GHITM: variants seen among roughly 807,000 people sequenced by gnomAD.
GHITM encodes growth hormone-inducible transmembrane protein.
Under a neutral mutation model 38.7 loss-of-function variants are expected in GHITM, and 24 were observed. That is an observed-to-expected ratio of 0.62 (90% CI 0.45 to 0.87). The LOEUF (loss-of-function observed/expected upper bound fraction) is 0.87. GHITM is among the 40% of genes least tolerant of loss of function. The probability of loss-of-function intolerance (pLI) is 0.00; values close to 1 mark genes in which losing one functional copy is unlikely to be tolerated. For missense variants in GHITM, 420 were observed against 429.8 expected (o/e 0.98, Z 0.20); for synonymous variants, 154 against 147.8 (o/e 1.04, Z -0.30).
chr10:84,145,837 T>A (rs1274750809), intron 5 of GHITM, among the ~76,000 whole-genome samples: 1 of 152,126 alleles, frequency 6.6e-6, no homozygotes, highest in Non-Finnish European at 1.5e-5. Flanking sequence ...GTTAGGCAAG[T>A]TCCGTGAAGG....
intron 7 of GHITM, 40 bp from the exon 8 acceptor site, chr10:84,150,669 C>G (rs1841602534): frequency 6.5e-7 from 1 of 1,529,476 alleles, no homozygotes; most frequent in Admixed American, 1.9e-5. Flanking sequence ...ATCGGAAATC[C>G]TTTTTTAAAA....
chr10:84,151,251 T>C lies in GHITM; in HGVS notation c.953+371T>C, dbSNP rs138669427. Among the ~76,000 whole-genome samples the C allele has an allele frequency of 2.0e-4, 30 of 152,240 alleles. No homozygotes were observed. In the East Asian group the frequency reaches 5.6e-3, roughly 28 times the overall value. ...GGGATTAGGATTTCATTATATTTTG[T>C]TGGGGGGCAGAGGAGGGTCACAGCT... On this transcript the variant is annotated intron_variant, in intron 8 of 8. Transcript: ENST00000372134.
intron 6 of GHITM, 50 bp from the exon 7 acceptor site, chr10:84,150,005 T>G: frequency 7.5e-7 from 1 of 1,341,264 alleles, no homozygotes; most frequent in Non-Finnish European, 1.0e-6. Flanking sequence ...GATATTTTCC[T>G]TTTGCTTGTT....
At chr10:84,147,490 G>T (rs1290012036) in intron 5 of GHITM, among the ~76,000 whole-genome samples, 2 of 152,150 alleles carry the variant, frequency 1.3e-5, no homozygotes, top group Admixed American at 6.5e-5. Context: ...ATATTTTGAT[G>T]TTCATAGGTG....
rs750638778 is a variant in GHITM, at chr10:84,142,769, T to C, written c.229+15T>C. The C allele has an allele frequency of 7.2e-7, 1 of 1,397,110 alleles. No individual in the cohort carries two copies. Among genetic ancestry groups the C allele is most frequent in the Non-Finnish European group, 1.0e-6 (1 of 984,566 alleles). 86.5% of individuals were successfully genotyped at this position (1,397,110 alleles called of 1,614,324 possible). On this transcript the variant is annotated intron_variant, in intron 3 of 8. Transcript: ENST00000372134. ...AATATTTAAAAGTAGGTGGCTATCT[T>C]TAGTTTTTAACCTAGAATCTATGGA...
intron 5 of GHITM, among the ~76,000 whole-genome samples, chr10:84,147,626 GT>G (rs909842810): frequency 5.0e-4 from 30 of 60,060 alleles, no homozygotes; most frequent in South Asian, 2.1e-3. Flanking sequence ...CTTTTTTTTT[GT>G]TTGTTTTTTT....
intron 5 of GHITM, among the ~76,000 whole-genome samples, chr10:84,146,071 ATTTT>A (rs1841554191): frequency 6.6e-6 from 1 of 152,114 alleles, no homozygotes. Context: ...TTAAAAAAAA[ATTTT>A]TTTAAGTAGA....
intron 5 of GHITM, among the ~76,000 whole-genome samples, chr10:84,146,867 A>G (rs1242796003): frequency 6.6e-6 from 1 of 152,222 alleles, no homozygotes; most frequent in African/African-American, 2.4e-5. Flanking sequence ...TGTGACAGAC[A>G]TATATATACA....
chr10:84,150,741 G>A lies in GHITM; in HGVS notation c.814G>A (p.Gly272Ser). ...GTTTCTTCCACCTACCACCGTGGCT[G>A]GTGCCACTCTTTACTCAGTGGCAAT... ...SMFLPPTTVAGATLYSVAMYG... is the reference protein window; with the variant it reads ...SMFLPPTTVASATLYSVAMYG... Residue 272 changes from glycine (G) to serine (S), a missense_variant, in exon 8 of 9, where the codon GGT (glycine) becomes AGT (serine). Physicochemically the swap from Gly to Ser is moderately conservative, Grantham distance 56 (BLOSUM62 0). Coordinates refer to ENST00000372134, the MANE Select transcript of GHITM (RefSeq NM_014394.3). 3 of 1,610,234 alleles carry A rather than the reference G, an allele frequency of 1.9e-6. No individual in the cohort carries two copies. The highest frequency in any genetic ancestry group is 2.5e-6 in the Non-Finnish European group (3 of 1,177,284).
chr10:84,141,660 T>G, intron 2 of GHITM, 31 bp downstream of exon 2: 1 of 1,609,312 alleles, frequency 6.2e-7, no homozygotes, highest in South Asian at 1.1e-5. Flanking sequence ...TTTATATTGC[T>G]TCTTTTTCCA....
At chr10:84,147,274 TA>T (rs1365184880) in intron 5 of GHITM, among the ~76,000 whole-genome samples, 1 of 152,214 alleles carries the variant, frequency 6.6e-6, no homozygotes, top group Non-Finnish European at 1.5e-5. Flanking sequence ...TAATGTTTTT[TA>T]AAAATAGAGA....
chr10:84,148,958 C>T (rs954650647), intron 6 of GHITM, 120 bp downstream of exon 6: 11 of 674,350 alleles, frequency 1.6e-5, no homozygotes, highest in African/African-American at 7.1e-5. Flanking sequence ...ACACCATTTT[C>T]TTCAGTCATT....
At chr10:84,149,581 T>A (rs905867624) in intron 6 of GHITM, among the ~76,000 whole-genome samples, 1 of 152,062 alleles carries the variant, frequency 6.6e-6, no homozygotes, top group African/African-American at 2.4e-5. Flanking sequence ...CTAAAATTAC[T>A]TATTTATAAG....
Position 84,148,763 on chromosome 10 carries a change from G to A in GHITM, c.517G>A (p.Ala173Thr). The A allele has an allele frequency of 6.2e-7, 1 of 1,613,382 alleles. No homozygotes were observed. Among genetic ancestry groups the A allele is most frequent in the East Asian group, 2.2e-5 (1 of 44,880 alleles). ...TGTGACCTTTGCAGCCATGGTTGGAGCTGGAATGCTGGTACGATCAATACC... is the reference window on the plus strand; with the variant it reads ...TGTGACCTTTGCAGCCATGGTTGGAACTGGAATGCTGGTACGATCAATACC... ...IGVTFAAMVG[A>T]GMLVRSIPYD... The change falls in exon 6 of 9, where the codon GCT (alanine) becomes ACT (threonine). Residue 173 changes from alanine (A) to threonine (T), a missense_variant. Ala to Thr is a moderately conservative substitution (Grantham distance 58). Coordinates refer to ENST00000372134, the MANE Select transcript of GHITM (RefSeq NM_014394.3).
At chr10:84,145,247 A>T (rs551467102) in intron 5 of GHITM, among the ~76,000 whole-genome samples, 1 of 152,342 alleles carries the variant, frequency 6.6e-6, no homozygotes, top group Non-Finnish European at 1.5e-5. Context: ...AGCATTTCAC[A>T]TGTTGGGTTT....
rs995828113 is a variant in GHITM at position 84,144,937 on chromosome 10, T to C, written c.404T>C (p.Ile135Thr). 9 of 1,610,910 alleles carry C rather than the reference T, an allele frequency of 5.6e-6. No homozygotes were observed. In the Admixed American group the frequency reaches 1.3e-4, roughly 24 times the overall value. Residue 135 changes from isoleucine to threonine, a missense_variant, in exon 5 of 9, where the codon ATT (isoleucine) becomes ACT (threonine). Coordinates refer to ENST00000372134, the MANE Select transcript of GHITM (RefSeq NM_014394.3). ...ACCTATATGTACTTAGCAGGGAGTA[T>C]TGGTTTAACAGCTTTGTCTGCCATA... ...HSTYMYLAGS[I>T]GLTALSAIAI...
At chr10:84,144,239 T>A in intron 4 of GHITM, 133 bp downstream of exon 4, 1 of 578,928 alleles carries the variant, frequency 1.7e-6, no homozygotes, top group Non-Finnish European at 3.1e-6. Context: ...TACACACAAA[T>A]AGAGAATCTC....
At chr10:84,143,923 C>T in intron 3 of GHITM, 72 bp from the exon 4 acceptor site, 1 of 1,009,888 alleles carries the variant, frequency 9.9e-7, no homozygotes, top group South Asian at 1.3e-5. Flanking sequence ...GATTTGATTC[C>T]CTTGATAAAT....
At chr10:84,145,057 C>G (rs1841544815) in intron 5 of GHITM, 41 bp downstream of exon 5, 1 of 1,507,310 alleles carries the variant, frequency 6.6e-7, no homozygotes. Flanking sequence ...ATCTAAAGAT[C>G]AAAAGATTAG....
Sources: gnomAD v4.1 joint callset for allele counts (sites outside exome capture counted in the v4.1 genomes callset) on GRCh38, gnomAD v4.1.1 for gene constraint, MANE v1.5 for transcripts, NCBI Gene and HGNC (gene_info 2026-07-23, HGNC 2026-07-21) for gene names.